ABCC8: variants seen among roughly 807,000 people sequenced by gnomAD.
ABCC8 encodes ATP-binding cassette sub-family C member 8.
ABCC8 carries 137 observed loss-of-function variants against 188.0 expected under a neutral mutation model. That is an observed-to-expected ratio of 0.73 (90% CI 0.63 to 0.84). ABCC8 has a LOEUF of 0.84. ABCC8 is among the 40% of genes least tolerant of loss of function. ABCC8 has a pLI of 0.00. For missense variants in ABCC8, 1,750 were observed against 2,072.7 expected (o/e 0.84, Z 3.02); for synonymous variants, 797 against 846.5 (o/e 0.94, Z 1.01).
rs28936370 is a variant in ABCC8 at position 17,396,980 on chromosome 11, C to G, written c.4055G>C (p.Arg1352Pro). Residue 1352 changes from arginine to proline, a missense_variant, in exon 33 of 39, where the codon CGC becomes CCC. Physicochemically the swap from Arg to Pro is moderately radical, Grantham distance 103. Coordinates refer to ENST00000389817, the MANE Select transcript of ABCC8 (RefSeq NM_000352.6). ...GKIQIQNLSV[R>P]YDSSLKPVLK... ...CACCGGCTTCAGGGAGCTGTCGTAG[C>G]GCACGCTCAGGTTCTGGATCTGGAT... 6.2e-7 allele frequency: 1 copy of G among 1,614,234 alleles called. No individual in the cohort carries two copies. The highest frequency in any genetic ancestry group is 8.5e-7 in the Non-Finnish European group (1 of 1,180,032).
chr11:17,393,716 C>A lies in ABCC8; in HGVS notation c.4589G>T (p.Arg1530Leu). The A allele has an allele frequency of 1.2e-6, 2 of 1,614,206 alleles. No homozygotes were observed. The highest frequency in any genetic ancestry group is 1.7e-6 in the Non-Finnish European group (2 of 1,180,020). Residue 1530 changes from arginine to leucine, a missense_variant, in exon 38 of 39, where the codon CGC becomes CTC. By Grantham distance (102) the Arg-to-Leu change is moderately radical. Transcript: ENST00000389817. ...CCTTACCGCGATGGTGACCACAGTG[C>A]GGTCTGCGAAGGCTGTCATCACCAC... The part of the protein sequence containing the change: ...QKVVMTAFAD[R>L]TVVTIAHRVH...
intron 22 of ABCC8, among the ~76,000 whole-genome samples, chr11:17,408,952 CTTT>C (rs376681171): frequency 3.2e-4 from 40 of 125,788 alleles, no homozygotes; most frequent in Non-Finnish European, 3.9e-4. Context: ...ATCAATAAAT[CTTT>C]TTTTTTTTTT....
In ABCC8 at chr11:17,402,698, C is replaced by T. The variant is rs768448830; in HGVS notation, c.3613G>A (p.Glu1205Lys). 5.7e-5 allele frequency: 92 copies of T among 1,614,084 alleles called. No individual in the cohort carries two copies. Among genetic ancestry groups the T allele is most frequent in the Non-Finnish European group, 7.5e-5 (88 of 1,180,052 alleles). The change falls in exon 29 of 39, where the codon GAA becomes AAA. Residue 1205 changes from glutamate (E) to lysine (K), a missense_variant. Glu to Lys is a moderately conservative substitution (Grantham distance 56). Coordinates refer to ENST00000389817, the MANE Select transcript of ABCC8 (RefSeq NM_000352.6). ...ATGGTGGTGAGTCCTTCTACGGTTT[C>T]GGCAAAGTGTGAGAGAAGTGGAAGC... ...TQLPLLSHFA[E>K]TVEGLTTIRA...
At chr11:17,440,019 G>A (rs1380707043) in intron 10 of ABCC8, among the ~76,000 whole-genome samples, 1 of 152,182 alleles carries the variant, frequency 6.6e-6, no homozygotes, top group Non-Finnish European at 1.5e-5. Flanking sequence ...GTCCCAGGCT[G>A]CAGTTTGGAA....
At chr11:17,443,120 CT>C (rs1956386802) in intron 9 of ABCC8, 57 bp downstream of exon 9, 7 of 1,594,388 alleles carry the variant, frequency 4.4e-6, no homozygotes, top group Admixed American at 1.7e-5. Flanking sequence ...AGGAGACCTG[CT>C]GCTGTCGAGG....
intron 8 of ABCC8, among the ~76,000 whole-genome samples, chr11:17,446,709 G>A (rs1299080638): frequency 6.6e-6 from 1 of 152,138 alleles, no homozygotes; most frequent in African/African-American, 2.4e-5. Context: ...ATGGGTAGGT[G>A]GTAATGGGGG....
At chr11:17,406,299 T>C (rs1451885620) in intron 26 of ABCC8, 16 of 368,788 alleles carry the variant, frequency 4.3e-5, no homozygotes, top group Non-Finnish European at 8.0e-5. Context: ...GGAGCTGAAC[T>C]CATGGGTGGG....
intron 8 of ABCC8, among the ~76,000 whole-genome samples, chr11:17,445,739 G>T (rs1475199790): frequency 1.3e-5 from 2 of 150,824 alleles, no homozygotes; most frequent in Non-Finnish European, 2.9e-5. Context: ...AAAACCAAAG[G>T]ACACTCCATG....
intron 29 of ABCC8, among the ~76,000 whole-genome samples, chr11:17,402,415 C>T (rs928448240): frequency 2.6e-5 from 4 of 152,194 alleles, no homozygotes; most frequent in Admixed American, 6.5e-5. Flanking sequence ...TCTTTTCATG[C>T]TCTGCCTCAC....
At chr11:17,443,535 C>A in intron 8 of ABCC8, 1 of 596,640 alleles carries the variant, frequency 1.7e-6, no homozygotes, top group Non-Finnish European at 2.9e-6. Context: ...GGTTGCTGGG[C>A]TGGTAACTAA....
intron 35 of ABCC8, 40 bp from the exon 36 acceptor site, chr11:17,395,315 G>T (rs1274269956): frequency 6.4e-7 from 1 of 1,553,894 alleles, no homozygotes; most frequent in Non-Finnish European, 8.7e-7. Flanking sequence ...GAGGGAGCAG[G>T]GTCCTGCCTG....
intron 29 of ABCC8, among the ~76,000 whole-genome samples, chr11:17,401,985 G>A (rs903273456): frequency 6.6e-6 from 1 of 152,174 alleles, no homozygotes; most frequent in Non-Finnish European, 1.5e-5. Context: ...CCTTGAATCC[G>A]CTTTTTTCAG....
rs1591789848 is a variant in ABCC8 at position 17,424,870 on chromosome 11, A to C, written c.2222+2179T>G. ...AAGTCACCCAACTTCTCTGAGCCTG[A>C]GTTTCTGCTTCTGTGAAATGGGGTA... is the stretch of plus-strand genomic sequence containing the variant. On this transcript the variant is annotated intron_variant, in intron 16 of 38. Transcript: ENST00000389817. Among the ~76,000 whole-genome samples, 5 of 152,328 alleles carry C rather than the reference A, an allele frequency of 3.3e-5. 1 individual carries two copies. Among genetic ancestry groups the C allele is most frequent in the African/African-American group, 1.2e-4 (5 of 41,562 alleles).
intron 10 of ABCC8, among the ~76,000 whole-genome samples, chr11:17,437,183 A>G (rs7106053): frequency 0.31 from 47,054 of 149,660 alleles, 7,568 homozygotes; most frequent in Non-Finnish European, 0.35. Flanking sequence ...GGTTCTGGGG[A>G]CTACGGTAGT....
chr11:17,473,537 C>G (rs1044046092), intron 2 of ABCC8, among the ~76,000 whole-genome samples: 7 of 152,072 alleles, frequency 4.6e-5, no homozygotes, highest in Non-Finnish European at 1.0e-4. Flanking sequence ...TAATCTGATT[C>G]CAGCTCAGGG....
chr11:17,460,564 A>G lies in ABCC8; in HGVS notation c.935T>C (p.Leu312Pro). The G allele has an allele frequency of 6.2e-7, 1 of 1,614,000 alleles. No individual in the cohort carries two copies. The highest frequency in any genetic ancestry group is 8.5e-7 in the Non-Finnish European group (1 of 1,180,034). ...GATGCACAGTGGCCCGGCGAAGCCC[A>G]GCAGGTCGGCCAAGATGCGGAAAGT... is the stretch of plus-strand genomic sequence containing the variant. ...SSTFRILADL[L>P]GFAGPLCIFG... The change falls in exon 6 of 39, where the codon CTG (leucine) becomes CCG (proline). Residue 312 changes from leucine to proline, a missense_variant. By Grantham distance (98) the Leu-to-Pro change is moderately conservative. Coordinates refer to ENST00000389817, the MANE Select transcript of ABCC8 (RefSeq NM_000352.6).
intron 5 of ABCC8, 167 bp from the exon 6 acceptor site, chr11:17,460,843 G>T (rs758602538): frequency 7.8e-6 from 11 of 1,404,554 alleles, no homozygotes; most frequent in Non-Finnish European, 1.0e-5. Context: ...CAAGTGCACA[G>T]TTGGGAGGGC....
chr11:17,441,588 AGCTG>A (rs1337361221), intron 10 of ABCC8, among the ~76,000 whole-genome samples: 1 of 152,088 alleles, frequency 6.6e-6, no homozygotes, highest in Non-Finnish European at 1.5e-5. Flanking sequence ...GTGTGAAGTC[AGCTG>A]GTTGCTAAAT....
rs1345535328 is a variant in ABCC8 at position 17,396,931 on chromosome 11, G to A, written c.4104C>T (p.Ile1368=). 8.7e-6 allele frequency: 14 copies of A among 1,614,054 alleles called. No individual in the cohort carries two copies. The highest frequency in any genetic ancestry group is 1.1e-5 in the Non-Finnish European group (13 of 1,180,026). ...KPVLKHVNAL[I]APGQKIGICG... Reference sequence around the variant, plus strand: ...GTGCTCTGACCTTCTGTCCAGGGGCGATGAGGGCATTGACGTGCTTCAGCA... The same window carrying A: ...GTGCTCTGACCTTCTGTCCAGGGGCAATGAGGGCATTGACGTGCTTCAGCA... Residue 1368 remains isoleucine (I), a synonymous_variant, in exon 33 of 39, where the codon ATC becomes ATT. Transcript: ENST00000389817.
Sources: allele counts gnomAD v4.1 joint callset (sites outside exome capture counted in the v4.1 genomes callset), GRCh38; gene constraint gnomAD v4.1.1; transcripts MANE v1.5; gene names NCBI Gene and HGNC (gene_info 2026-07-23, HGNC 2026-07-21).